Variants in SLC44A5 observed in about 807,000 individuals in gnomAD.
SLC44A5 encodes the protein solute carrier family 44 member 5.
A neutral mutation model predicts 101.8 loss-of-function variants in SLC44A5; 57 were observed. The ratio of observed to expected loss-of-function variants is 0.56; its 90% CI spans 0.45 to 0.70. The LOEUF (loss-of-function observed/expected upper bound fraction) is 0.70. Among genes scored for constraint, SLC44A5 ranks in the 30% least tolerant of loss-of-function variants. SLC44A5 has a pLI of 0.00. For synonymous variants in SLC44A5, 281 were observed against 290.9 expected (o/e 0.97, Z 0.35); for missense variants, 737 against 853.1 (o/e 0.86, Z 1.70).
At chr1:75,538,372 A>G (rs566684314) in intron 2 of SLC44A5, among the ~76,000 whole-genome samples, 21 of 152,316 alleles carry the variant, frequency 1.4e-4, no homozygotes, top group Non-Finnish European at 3.1e-4. Flanking sequence ...ACAGATATAG[A>G]TATGATATAA....
intron 1 of SLC44A5, among the ~76,000 whole-genome samples, chr1:75,606,008 C>A (rs757215074): frequency 1.3e-5 from 2 of 152,020 alleles, no homozygotes; most frequent in African/African-American, 2.4e-5. Context: ...TGGATGCCAC[C>A]AGCGCCACTC....
upstream of SLC44A5, among the ~76,000 whole-genome samples, chr1:75,615,250 C>T (rs1675818365): frequency 6.6e-6 from 1 of 151,972 alleles, no homozygotes; most frequent in African/African-American, 2.4e-5. Context: ...GGTAGCAAGT[C>T]CCCTTGACCG....
chr1:75,596,177 T>C (rs1430409100), intron 1 of SLC44A5, among the ~76,000 whole-genome samples: 3 of 150,060 alleles, frequency 2.0e-5, no homozygotes, highest in Non-Finnish European at 4.4e-5. Flanking sequence ...CAAACTAAAG[T>C]GATAGTTCAA....
At chr1:75,391,782 C>T (rs79129648) in intron 3 of SLC44A5, among the ~76,000 whole-genome samples, 2,179 of 152,198 alleles carry the variant, frequency 0.014, 53 homozygotes, top group African/African-American at 0.05. Context: ...AGAACACCAC[C>T]TAGGAAATAA....
intron 3 of SLC44A5, among the ~76,000 whole-genome samples, chr1:75,387,346 A>G (rs551240214): frequency 3.3e-4 from 47 of 140,440 alleles, no homozygotes; most frequent in African/African-American, 1.1e-3. Context: ...TCTACAATGA[A>G]CTCAAACAAA....
At chr1:75,441,693 C>T (rs1439011254) in intron 2 of SLC44A5, among the ~76,000 whole-genome samples, 5 of 151,926 alleles carry the variant, frequency 3.3e-5, no homozygotes, top group Non-Finnish European at 2.9e-5. Context: ...CATTAGAATA[C>T]AGCATGGTCT....
chr1:75,238,682 CT>C (rs1648348584), intron 9 of SLC44A5, 46 bp from the exon 10 acceptor site: 1 of 1,285,446 alleles, frequency 7.8e-7, no homozygotes, highest in Non-Finnish European at 1.1e-6. Context: ...TCTATTTCTT[CT>C]TTAATGATGT....
upstream of SLC44A5, among the ~76,000 whole-genome samples, chr1:75,615,134 C>T (rs1247040874): frequency 6.6e-6 from 1 of 152,094 alleles, no homozygotes; most frequent in Non-Finnish European, 1.5e-5. Flanking sequence ...AACTTTCCAA[C>T]TTTGGAAGCC....
intron 2 of SLC44A5, among the ~76,000 whole-genome samples, chr1:75,496,284 G>A (rs1238898817): frequency 6.6e-6 from 1 of 151,998 alleles, no homozygotes; most frequent in East Asian, 1.9e-4. Flanking sequence ...GAATAAGAGA[G>A]CCCAGAAAGA....
At chr1:75,213,256 G>A (rs1241911501) in intron 22 of SLC44A5, among the ~76,000 whole-genome samples, 2 of 152,122 alleles carry the variant, frequency 1.3e-5, no homozygotes, top group Non-Finnish European at 2.9e-5. Context: ...TTGGCATAAA[G>A]TAAGACCAAT....
intron 5 of SLC44A5, among the ~76,000 whole-genome samples, chr1:75,281,403 C>G (rs1360500306): frequency 6.6e-6 from 1 of 151,856 alleles, no homozygotes; most frequent in Non-Finnish European, 1.5e-5. Context: ...GGATGTGGAG[C>G]ATAAAAGTTT....
chr1:75,672,425 A>G, the SLC44A5 span, among the ~76,000 whole-genome samples: 1 of 152,060 alleles, frequency 6.6e-6, no homozygotes, highest in Non-Finnish European at 1.5e-5. Flanking sequence ...CCAGAGGTGA[A>G]TTATCCATCC....
chr1:75,263,603 C>T (rs1435793632), intron 6 of SLC44A5, among the ~76,000 whole-genome samples: 1 of 152,074 alleles, frequency 6.6e-6, no homozygotes, highest in East Asian at 1.9e-4. Flanking sequence ...CTAGAAATAC[C>T]ATTTGACCCA....
the SLC44A5 span, among the ~76,000 whole-genome samples, chr1:75,652,494 T>C: frequency 6.6e-6 from 1 of 152,114 alleles, no homozygotes; most frequent in South Asian, 2.1e-4. Flanking sequence ...TCTGTTCCAA[T>C]CTAAATCCAG....
At chr1:75,723,965 T>G in the SLC44A5 span, 1 of 152,182 alleles carries the variant, frequency 6.6e-6, no homozygotes, top group Admixed American at 6.5e-5. Flanking sequence ...AGGGTCTCAC[T>G]GGAAGAGAAA....
chr1:75,610,136 T>C lies in SLC44A5; in HGVS notation c.-70+904A>G, dbSNP rs1334008766. On this transcript the variant is annotated intron_variant, in intron 1 of 23. Coordinates refer to ENST00000370859, the MANE Select transcript of SLC44A5 (RefSeq NM_001130058.2). ...CAAGACTTCTATGCAAGTCAAGAAA[T>C]ACACACACACACACACACACACACA... 6.9e-5 allele frequency among the ~76,000 whole-genome samples: 10 copies of C among 144,328 alleles called. No individual in the cohort carries two copies. In the South Asian group the frequency reaches 2.3e-3, roughly 33 times the overall value. 94.7% of individuals were successfully genotyped at this position (144,328 alleles called of 152,430 possible).
chr1:75,666,105 C>T, the SLC44A5 span, among the ~76,000 whole-genome samples: 2 of 152,160 alleles, frequency 1.3e-5, no homozygotes, highest in African/African-American at 2.4e-5. Context: ...TTCAAACCAG[C>T]AATCCCATTA....
At chr1:75,435,994 A>G (rs1449512720) in intron 2 of SLC44A5, among the ~76,000 whole-genome samples, 1 of 152,180 alleles carries the variant, frequency 6.6e-6, no homozygotes, top group Admixed American at 6.6e-5. Context: ...AAGAGTAGCC[A>G]TTAAAAATAA....
At chr1:75,568,258 T>C (rs1672891557) in intron 1 of SLC44A5, among the ~76,000 whole-genome samples, 1 of 152,176 alleles carries the variant, frequency 6.6e-6, no homozygotes, top group Non-Finnish European at 1.5e-5. Context: ...GAATGATTAC[T>C]TTCTATTTTT....
Sources: allele counts gnomAD v4.1 joint callset (sites outside exome capture counted in the v4.1 genomes callset), GRCh38; gene constraint gnomAD v4.1.1; transcripts MANE v1.5; gene names NCBI Gene and HGNC (gene_info 2026-07-23, HGNC 2026-07-21).